Variants in MUC5AC observed in about 807,000 individuals in gnomAD.
The protein encoded by MUC5AC is mucin-5AC.
In MUC5AC, 158 loss-of-function variants were observed where a neutral mutation model predicts 169.7. The observed-to-expected ratio is 0.93, with a 90% CI of 0.82 to 1.06. The LOEUF (loss-of-function observed/expected upper bound fraction) is 1.06, where lower values mean the gene tolerates loss of function less well. MUC5AC is among the 50% of genes least tolerant of loss of function. The pLI, the probability that MUC5AC is intolerant of heterozygous loss-of-function variation, is 0.00. For missense variants in MUC5AC, 4,359 were observed against 3,089.9 expected (o/e 1.41, Z -9.74); for synonymous variants, 1,975 against 1,237.0 (o/e 1.60, Z -12.52).
At chr11:1,159,771 G>A (rs1278725287) in intron 1 of MUC5AC, among the ~76,000 whole-genome samples, 48 of 92,268 alleles carry the variant, frequency 5.2e-4, no homozygotes, top group Admixed American at 5.7e-4. Context: ...GGGCTGTGCG[G>A]GGCTGGGGTC....
At chr11:1,171,386 CCCAT>C (rs1860526181) in intron 15 of MUC5AC, among the ~76,000 whole-genome samples, 2 of 142,922 alleles carry the variant, frequency 1.4e-5, no homozygotes, top group African/African-American at 2.6e-5. Flanking sequence ...CATTCACTCA[CCCAT>C]TCACCCATTC....
Position 1,193,472 on chromosome 11 carries a change from T to G in MUC5AC, c.14581-13T>G. 1.4e-6 allele frequency: 1 copy of G among 718,252 alleles called. No homozygotes were observed. Among genetic ancestry groups the G allele is most frequent in the South Asian group, 1.5e-5 (1 of 68,900 alleles). 44.5% of individuals were successfully genotyped at this position (718,252 alleles called of 1,614,324 possible). A position where few individuals can be genotyped will look rare whatever the true frequency, so the allele number is the denominator to read the frequency against. The stretch of plus-strand genomic sequence containing the variant: ...GGAGAGGCCGGACCCTGCAGGTCTC[T>G]GTGCTTCTGCAGAAAGGTGAGACCT... On this transcript the variant is annotated splice_polypyrimidine_tract_variant and intron_variant, in intron 32 of 48. Transcript: ENST00000621226.
chr11:1,199,220 G>T (rs1401585750), intron 45 of MUC5AC, 35 bp downstream of exon 45: 2 of 741,204 alleles, frequency 2.7e-6, no homozygotes, highest in East Asian at 2.5e-5. Flanking sequence ...GAAGGGCAGG[G>T]TCTGGGAGCA....
At chr11:1,158,386 C>A (rs1368208275) in intron 1 of MUC5AC, among the ~76,000 whole-genome samples, 5 of 152,206 alleles carry the variant, frequency 3.3e-5, no homozygotes, top group Admixed American at 6.5e-5. Flanking sequence ...CAGCACCTGG[C>A]CCACAGTATC....
chr11:1,161,684 TCCGGGTGAACA>T, intron 3 of MUC5AC, 98 bp downstream of exon 3: 2 of 1,390,968 alleles, frequency 1.4e-6, no homozygotes, highest in Non-Finnish European at 9.7e-7. Flanking sequence ...GCCCCAGCTT[TCCGGGTGAACA>T]CTGGGTGGGT....
chr11:1,169,312 G>T (rs1004341929), intron 15 of MUC5AC, among the ~76,000 whole-genome samples: 1 of 152,044 alleles, frequency 6.6e-6, no homozygotes, highest in Admixed American at 6.6e-5. Flanking sequence ...TGGTGGGGAC[G>T]TGGGGAATGG....
At chr11:1,177,166 C>T (rs2096785136) in intron 22 of MUC5AC, 65 bp from the exon 23 acceptor site, 1 of 398,684 alleles carries the variant, frequency 2.5e-6, no homozygotes, top group Admixed American at 4.4e-5. Flanking sequence ...GTTGTCCCCG[C>T]CTCATCCTCC....
At position 1,187,402 on chromosome 11, in the gene MUC5AC, C is replaced by G. The variant is rs1191692111; in HGVS notation, c.9257C>G (p.Ser3086Cys). The change falls in exon 31 of 49, where the codon TCT (serine) becomes TGT (cysteine). Residue 3086 changes from serine (S) to cysteine (C), a missense_variant. Ser to Cys is a moderately radical substitution (Grantham distance 112). Transcript: ENST00000621226. ...TCTGCTCCTACAACCAGCACAACCT[C>G]TGCCGCTACAACCAGCACAATCTCG... is the stretch of plus-strand genomic sequence containing the variant. ...TTSAPTTSTT[S>C]AATTSTISAP... 4.1e-6 allele frequency: 3 copies of G among 738,182 alleles called. No individual in the cohort carries two copies. The African/African-American group carries it at 5.2e-5, about 13-fold the overall frequency. The allele number at this position is 738,182 out of a possible 1,614,324, so 45.7% of individuals were successfully genotyped here. A position where few individuals can be genotyped will look rare whatever the true frequency, so the allele number is the denominator to read the frequency against.
intron 15 of MUC5AC, among the ~76,000 whole-genome samples, chr11:1,170,432 C>A (rs1209302937): frequency 1.5e-5 from 2 of 135,278 alleles, no homozygotes; most frequent in Non-Finnish European, 3.3e-5. Flanking sequence ...CACCCATTCA[C>A]CCATTCACCC....
intron 32 of MUC5AC, among the ~76,000 whole-genome samples, 199 bp from the exon 33 acceptor site, chr11:1,193,286 G>C (rs937714965): frequency 7.4e-6 from 1 of 134,868 alleles, no homozygotes; most frequent in East Asian, 2.2e-4. Flanking sequence ...CCAGGGAGGA[G>C]CCACTCCCAC....
chr11:1,158,593 G>A (rs34582600), intron 1 of MUC5AC, among the ~76,000 whole-genome samples: 1 of 151,996 alleles, frequency 6.6e-6, no homozygotes, highest in African/African-American at 2.4e-5. Flanking sequence ...TTTCACCCCC[G>A]CCCTGAGGCT....
At chr11:1,197,063 C>T (rs77420167) in intron 40 of MUC5AC, among the ~76,000 whole-genome samples, 155 bp downstream of exon 40, 571 of 152,272 alleles carry the variant, frequency 3.7e-3, no homozygotes, top group Middle Eastern at 0.01. Context: ...CGGGAGGAGC[C>T]GGGCTCCCAG....
chr11:1,178,896 C>A (rs904613162), intron 25 of MUC5AC, among the ~76,000 whole-genome samples, 196 bp from the exon 26 acceptor site: 2 of 152,196 alleles, frequency 1.3e-5, no homozygotes, highest in Admixed American at 6.5e-5. Context: ...GGGGTGTTAA[C>A]CCCAAGGGCT....
intron 11 of MUC5AC, among the ~76,000 whole-genome samples, chr11:1,166,267 AACAT>A (rs1476935658): frequency 6.9e-6 from 1 of 145,622 alleles, no homozygotes; most frequent in Non-Finnish European, 1.5e-5. Flanking sequence ...CCCTGCACCC[AACAT>A]ACAGTCTCTG....
intron 41 of MUC5AC, 35 bp downstream of exon 41, chr11:1,197,674 C>T (rs1481286876): frequency 4.5e-6 from 3 of 662,140 alleles, no homozygotes; most frequent in African/African-American, 3.5e-5. Context: ...CATGGTGTGG[C>T]AGGCAGGTGA....
At position 1,163,015 on chromosome 11, in the gene MUC5AC, A is replaced by G; in HGVS notation, c.649A>G (p.Met217Val). 4 of 1,612,578 alleles carry G rather than the reference A, an allele frequency of 2.5e-6. No homozygotes were observed. Among genetic ancestry groups the G allele is most frequent in the East Asian group, 2.2e-5 (1 of 44,836 alleles). Residue 217 changes from methionine (M) to valine (V), a missense_variant, in exon 6 of 49, where the codon ATG (methionine) becomes GTG (valine). Coordinates refer to ENST00000621226, the MANE Select transcript of MUC5AC (RefSeq NM_001304359.2). The stretch of plus-strand genomic sequence containing the variant: ...TGGGCTCTGTGGGGACTTCAACGGG[A>G]TGCCCGTGGTCAGCGAGCTCCTCTC... ...TCGLCGDFNG[M>V]PVVSELLSHN...
chr11:1,175,800 C>CCACTCATGCACATA (rs1554926826), intron 19 of MUC5AC, among the ~76,000 whole-genome samples: 1 of 34,134 alleles, frequency 2.9e-5, no homozygotes, highest in Non-Finnish European at 5.1e-5. Context: ...GCACTCACAC[C>CCACTCATGCACATA]CACCCACTCA....
intron 43 of MUC5AC, 58 bp downstream of exon 43, chr11:1,198,363 C>T: frequency 1.4e-6 from 1 of 712,036 alleles, no homozygotes; most frequent in Non-Finnish European, 2.6e-6. Flanking sequence ...CCCACTGACC[C>T]TGAGGCCCAG....
Position 1,185,076 on chromosome 11 carries a change from G to C in MUC5AC, c.6931G>C (p.Val2311Leu). ...TGGTCCTGGAAATACTCCCAGCCCT[G>C]TTCCTACCACCAGCACAATCTCTGC... Reference protein sequence around the residue: ...TSGPGNTPSPVPTTSTISAPT... With the variant: ...TSGPGNTPSPLPTTSTISAPT... Residue 2311 changes from valine (V) to leucine (L), a missense_variant, in exon 31 of 49, where the codon GTT becomes CTT. Coordinates refer to ENST00000621226, the MANE Select transcript of MUC5AC (RefSeq NM_001304359.2). 1.4e-6 allele frequency: 1 copy of C among 713,322 alleles called. No individual in the cohort carries two copies. Among genetic ancestry groups the C allele is most frequent in the East Asian group, 2.6e-5 (1 of 38,068 alleles). The allele number at this position is 713,322 out of a possible 1,614,324, so 44.2% of individuals were successfully genotyped here.
Sources: allele counts gnomAD v4.1 joint callset (sites outside exome capture counted in the v4.1 genomes callset), GRCh38; gene constraint gnomAD v4.1.1; transcripts MANE v1.5; gene names NCBI Gene and HGNC (gene_info 2026-07-23, HGNC 2026-07-21).